Variants in TMEM171 observed in about 807,000 individuals in gnomAD.
TMEM171 encodes the protein transmembrane protein 171, also known as proline-rich protein PRP2.
In TMEM171, 16 loss-of-function variants were observed where a neutral mutation model predicts 19.1. The ratio of observed to expected loss-of-function variants is 0.84; its 90% CI spans 0.57 to 1.27. The LOEUF (loss-of-function observed/expected upper bound fraction) is 1.27. Ranked by LOEUF, TMEM171 falls within the 50% of genes most tolerant of loss-of-function variation. The pLI is 0.00. For missense variants in TMEM171, 429 were observed against 412.7 expected (o/e 1.04, Z -0.34); for synonymous variants, 153 against 163.4 (o/e 0.94, Z 0.48).
At chr5:73,127,574 T>C (rs1744207502) in intron 2 of TMEM171, among the ~76,000 whole-genome samples, 2 of 148,576 alleles carry the variant, frequency 1.3e-5, no homozygotes, top group African/African-American at 5.0e-5. Context: ...ATAGCTGGGA[T>C]TACAGGCGCC....
At chr5:73,129,575 C>T (rs557273897) in intron 3 of TMEM171, among the ~76,000 whole-genome samples, 1 of 152,236 alleles carries the variant, frequency 6.6e-6, no homozygotes, top group East Asian at 1.9e-4. Flanking sequence ...TTCTTCTGCT[C>T]CAAGCCGAGA....
intron 2 of TMEM171, among the ~76,000 whole-genome samples, chr5:73,126,414 G>T (rs1744165213): frequency 6.6e-6 from 1 of 152,210 alleles, no homozygotes; most frequent in Admixed American, 6.5e-5. Context: ...TGCATTTTCT[G>T]AAGGGCTAAA....
chr5:73,130,642 G>T (rs1744306026), intron 3 of TMEM171, among the ~76,000 whole-genome samples: 1 of 152,116 alleles, frequency 6.6e-6, no homozygotes, highest in Non-Finnish European at 1.5e-5. Flanking sequence ...AAAGCAGGGG[G>T]ACAGGTTATC....
intron 2 of TMEM171, among the ~76,000 whole-genome samples, chr5:73,127,378 A>ATATATATATATATATAT (rs1216141842): frequency 3.8e-4 from 24 of 63,218 alleles, no homozygotes; most frequent in African/African-American, 2.2e-3. Flanking sequence ...GTAAAAAAAA[A>ATATATATATATATATAT]AAAAAAATAT....
rs1170565011 is a variant in TMEM171, at chr5:73,131,793, T to TA, written c.*69dup. 2.8e-6 allele frequency: 4 copies of TA among 1,410,166 alleles called. No homozygotes were observed. The highest frequency in any genetic ancestry group is 2.8e-6 in the Non-Finnish European group (3 of 1,056,772). 87.4% of individuals were successfully genotyped at this position (1,410,166 alleles called of 1,614,324 possible). A position where few individuals can be genotyped will look rare whatever the true frequency, so the allele number is the denominator to read the frequency against. ...ACTATTTTATTTAATTTTTTTTAAA[T>TA]AAAAAATACAATAGCATTGGCTATA... is the stretch of plus-strand genomic sequence containing the variant. On this transcript the variant is annotated 3_prime_UTR_variant, in exon 4 of 4. Transcript: ENST00000454765.
chr5:73,125,221 ATTAG>A (rs1383076824), intron 2 of TMEM171, among the ~76,000 whole-genome samples: 1 of 152,196 alleles, frequency 6.6e-6, no homozygotes, highest in Non-Finnish European at 1.5e-5. Context: ...CAACACAAAT[ATTAG>A]TTATATATTC....
At chr5:73,127,510 C>T (rs1219712561) in intron 2 of TMEM171, among the ~76,000 whole-genome samples, 1 of 150,672 alleles carries the variant, frequency 6.6e-6, no homozygotes, top group Admixed American at 6.6e-5. Flanking sequence ...GATCCTGGCT[C>T]ACCACAACCT....
chr5:73,130,591 G>C (rs1389830409), intron 3 of TMEM171, among the ~76,000 whole-genome samples: 1 of 152,128 alleles, frequency 6.6e-6, no homozygotes, highest in Non-Finnish European at 1.5e-5. Context: ...TTTCTCTGGG[G>C]CCTGGAGGGA....
At chr5:73,120,820 G>A in intron 1 of TMEM171, 124 bp downstream of exon 1, 1 of 863,370 alleles carries the variant, frequency 1.2e-6, no homozygotes, top group Non-Finnish European at 1.4e-6. Context: ...CCCAACCTGC[G>A]TCCCTGCGAG....
In TMEM171 at chr5:73,123,992, G is replaced by A; in HGVS notation, c.619G>A (p.Glu207Lys). The A allele has an allele frequency of 6.4e-7, 1 of 1,572,308 alleles. No homozygotes were observed. The change falls in exon 2 of 4, where the codon GAG becomes AAG. Residue 207 changes from glutamate (E) to lysine (K), a missense_variant. Physicochemically the swap from Glu to Lys is moderately conservative, Grantham distance 56. Transcript: ENST00000454765. ...EREEGQIQIM[E>K]PVQVTVGDSV... ...AGAAGAGGGACAGATCCAGATTATG[G>A]AGCCTGTCCAGGTCACTGTAGGTGG... is the stretch of plus-strand genomic sequence containing the variant.
chr5:73,128,021 A>AG (rs1744225907), intron 2 of TMEM171, among the ~76,000 whole-genome samples: 1 of 152,162 alleles, frequency 6.6e-6, no homozygotes, highest in South Asian at 2.1e-4. Context: ...GTGGGATTAT[A>AG]GGTGTGAGCC....
chr5:73,127,384 A>AAAAAAATATATATATATATATATAT, intron 2 of TMEM171, among the ~76,000 whole-genome samples: 4 of 81,682 alleles, frequency 4.9e-5, no homozygotes, highest in African/African-American at 2.6e-4. Context: ...AAAAAAAAAA[A>AAAAAAATATATATATATATATATAT]ATATATATAT....
At position 73,124,024 on chromosome 5, in the gene TMEM171, G is replaced by C. The variant is rs750718474; in HGVS notation, c.640+11G>C. 6.6e-6 allele frequency: 10 copies of C among 1,517,734 alleles called. No individual in the cohort carries two copies. Among genetic ancestry groups the C allele is most frequent in the African/African-American group, 1.4e-5 (1 of 71,654 alleles). 94.0% of individuals were successfully genotyped at this position (1,517,734 alleles called of 1,614,324 possible). A position where few individuals can be genotyped will look rare whatever the true frequency, so the allele number is the denominator to read the frequency against. ...TCCAGGTCACTGTAGGTGGGTTGCTGTTATTTGCGTTCTTGCTTCTATCAC... is the reference window on the plus strand; with the variant it reads ...TCCAGGTCACTGTAGGTGGGTTGCTCTTATTTGCGTTCTTGCTTCTATCAC... On this transcript the variant is annotated intron_variant, in intron 2 of 3. Coordinates refer to ENST00000454765, the MANE Select transcript of TMEM171 (RefSeq NM_173490.8).
At chr5:73,129,645 AAG>A (rs1378921648) in intron 3 of TMEM171, among the ~76,000 whole-genome samples, 2 of 152,182 alleles carry the variant, frequency 1.3e-5, no homozygotes, top group Non-Finnish European at 2.9e-5. Context: ...GGGGAAAAAA[AAG>A]AATGTTTAAT....
intron 2 of TMEM171, 44 bp downstream of exon 2, chr5:73,124,057 T>G (rs1162845464): frequency 1.4e-5 from 21 of 1,474,832 alleles, no homozygotes; most frequent in Non-Finnish European, 1.9e-5. Flanking sequence ...CACAGTGGCT[T>G]TGCAGCAGGG....
chr5:73,125,881 G>A (rs1002555479), intron 2 of TMEM171, among the ~76,000 whole-genome samples: 2 of 152,164 alleles, frequency 1.3e-5, no homozygotes, highest in African/African-American at 2.4e-5. Flanking sequence ...CTTTGATATT[G>A]TGGAATAGGG....
At chr5:73,122,546 C>G (rs114803654) in intron 1 of TMEM171, among the ~76,000 whole-genome samples, 3,317 of 152,276 alleles carry the variant, frequency 0.022, 123 homozygotes, top group African/African-American at 0.076. Flanking sequence ...GCTGGGACCA[C>G]AGGCACCATG....
chr5:73,128,437 G>A lies in TMEM171; in HGVS notation c.688G>A (p.Glu230Lys), dbSNP rs748867749. The A allele has an allele frequency of 2.5e-5, 40 of 1,614,046 alleles. 1 individual carries two copies. In the Middle Eastern group the frequency reaches 6.6e-4, roughly 27 times the overall value. Residue 230 changes from glutamate (E) to lysine (K), a missense_variant, in exon 3 of 4, where the codon GAA becomes AAA. Glu to Lys is a moderately conservative substitution (Grantham distance 56). Transcript: ENST00000454765. Reference protein sequence around the residue: ...FPPPPPPYFPESSASAVAESP... With the variant: ...FPPPPPPYFPKSSASAVAESP... ...ACCCCCTCCACCACCTTACTTTCCT[G>A]AATCTTCAGCTTCTGCGGTCGCTGA...
intron 1 of TMEM171, 60 bp from the exon 2 acceptor site, chr5:73,123,246 A>T (rs1358996186): frequency 1.4e-6 from 2 of 1,450,432 alleles, no homozygotes; most frequent in East Asian, 4.7e-5. Context: ...TCAGCAAAAA[A>T]CCAGGGTGGT....
Sources: gnomAD v4.1 joint callset for allele counts (sites outside exome capture counted in the v4.1 genomes callset) on GRCh38, gnomAD v4.1.1 for gene constraint, MANE v1.5 for transcripts, NCBI Gene and HGNC (gene_info 2026-07-23, HGNC 2026-07-21) for gene names.